PEBP4: variants seen among roughly 807,000 people sequenced by gnomAD.
PEBP4 encodes the protein phosphatidylethanolamine-binding protein 4.
In PEBP4, 22 loss-of-function variants were observed where a neutral mutation model predicts 23.9. The ratio of observed to expected loss-of-function variants is 0.92; its 90% CI spans 0.66 to 1.31. PEBP4 has a LOEUF of 1.31. PEBP4 is among the 40% of genes most tolerant of loss of function. The pLI is 0.00. For synonymous variants in PEBP4, 112 were observed against 99.3 expected, an observed-to-expected ratio of 1.13 and a Z score of -0.76; for missense variants, 324 against 281.7, an observed-to-expected ratio of 1.15 and a Z score of -1.07.
intron 3 of PEBP4, among the ~76,000 whole-genome samples, chr8:22,918,927 G>GCGCACA (rs1410666482): frequency 7.2e-6 from 1 of 138,158 alleles, no homozygotes; most frequent in Admixed American, 7.2e-5. Context: ...AAGTGTGTGT[G>GCGCACA]TGCACATGTG....
At chr8:22,770,478 C>T (rs924739057) in intron 4 of PEBP4, among the ~76,000 whole-genome samples, 11 of 152,248 alleles carry the variant, frequency 7.2e-5, no homozygotes, top group Non-Finnish European at 1.0e-4. Flanking sequence ...CCTCCCACTG[C>T]GCATCCTTGG....
intron 1 of PEBP4, among the ~76,000 whole-genome samples, chr8:22,938,711 A>T (rs1809571960): frequency 6.6e-6 from 1 of 152,034 alleles, no homozygotes; most frequent in African/African-American, 2.4e-5. Context: ...CCCCCCCATT[A>T]TAGATGTGGG....
At chr8:22,860,216 G>GTA (rs1415646215) in intron 3 of PEBP4, among the ~76,000 whole-genome samples, 12 of 137,656 alleles carry the variant, frequency 8.7e-5, no homozygotes, top group East Asian at 4.1e-4. Flanking sequence ...ACACATATAT[G>GTA]TATATATATA....
chr8:22,860,852 C>T (rs556857162), intron 3 of PEBP4, among the ~76,000 whole-genome samples: 2 of 152,314 alleles, frequency 1.3e-5, no homozygotes, highest in African/African-American at 4.8e-5. Flanking sequence ...GCAGGTGACT[C>T]GGTGACAGCC....
intron 4 of PEBP4, among the ~76,000 whole-genome samples, chr8:22,807,310 C>G (rs560663223): frequency 3.9e-5 from 6 of 152,070 alleles, no homozygotes; most frequent in Non-Finnish European, 7.4e-5. Flanking sequence ...CAGGAGAACA[C>G]GAGGGTTGTG....
chr8:22,874,787 T>C lies in PEBP4; in HGVS notation c.258+45397A>G, dbSNP rs1044193312. On this transcript the variant is annotated intron_variant, in intron 3 of 6. Transcript: ENST00000256404. ...TCTGTTCTGCATGAATAAATATGTA[T>C]AAAATGTAATGCTGCAAAGAAAATC... Among the ~76,000 whole-genome samples, 7 of 152,298 alleles carry C rather than the reference T, an allele frequency of 4.6e-5. No individual in the cohort carries two copies. In the South Asian group the frequency reaches 1.5e-3, roughly 32 times the overall value.
chr8:22,887,765 T>TAGAGCCCG, intron 3 of PEBP4: 1 of 152,272 alleles, frequency 6.6e-6, no homozygotes, highest in South Asian at 2.1e-4. Flanking sequence ...TCAAAGAACG[T>TAGAGCCCG]ATTTACCGAA....
intron 3 of PEBP4, among the ~76,000 whole-genome samples, chr8:22,854,028 A>G (rs537048604): frequency 6.6e-6 from 1 of 152,210 alleles, no homozygotes; most frequent in Non-Finnish European, 1.5e-5. Context: ...GAAAAAAATG[A>G]TCCATCCAAT....
chr8:22,828,726 G>A (rs187169436), intron 3 of PEBP4, among the ~76,000 whole-genome samples: 101 of 152,172 alleles, frequency 6.6e-4, no homozygotes, highest in African/African-American at 2.3e-3. Context: ...CAAAGACAAT[G>A]GCACCTGCTC....
intron 5 of PEBP4, 21 bp from the exon 6 acceptor site, chr8:22,724,977 G>A: frequency 6.3e-7 from 1 of 1,578,396 alleles, no homozygotes; most frequent in South Asian, 1.1e-5. Context: ...AAGCAGGAGA[G>A]AGGTGAGCAT....
chr8:22,911,737 C>T (rs180889535), intron 3 of PEBP4, among the ~76,000 whole-genome samples: 14 of 152,094 alleles, frequency 9.2e-5, no homozygotes, highest in Non-Finnish European at 2.1e-4. Flanking sequence ...AGATCCCAAA[C>T]ATGTGAAGAG....
chr8:22,908,007 T>C (rs1808851189), intron 3 of PEBP4, among the ~76,000 whole-genome samples: 2 of 138,868 alleles, frequency 1.4e-5, no homozygotes, highest in African/African-American at 5.5e-5. Flanking sequence ...AGTGGGACCC[T>C]GTCTCAAAAA....
upstream of PEBP4, among the ~76,000 whole-genome samples, chr8:22,931,496 C>G (rs1809456000): frequency 6.6e-6 from 1 of 152,174 alleles, no homozygotes; most frequent in Non-Finnish European, 1.5e-5. Flanking sequence ...TCTTTTCCAG[C>G]CTCCCTTCCC....
At chr8:22,909,935 G>C (rs562882133) in intron 3 of PEBP4, among the ~76,000 whole-genome samples, 2 of 152,314 alleles carry the variant, frequency 1.3e-5, no homozygotes, top group Non-Finnish European at 2.9e-5. Context: ...GGCTGGAGTG[G>C]GTGGGAAAAA....
At chr8:22,835,991 G>GA (rs1472529212) in intron 3 of PEBP4, among the ~76,000 whole-genome samples, 2 of 152,222 alleles carry the variant, frequency 1.3e-5, no homozygotes, top group Admixed American at 6.5e-5. Flanking sequence ...GTGATGCAGG[G>GA]AAAATCATCT....
intron 3 of PEBP4, among the ~76,000 whole-genome samples, chr8:22,877,579 G>T (rs1191807777): frequency 1.3e-5 from 2 of 152,288 alleles, no homozygotes; most frequent in Non-Finnish European, 2.9e-5. Context: ...GAACACACGG[G>T]CGGGCTCACT....
chr8:22,718,597 C>T (rs1417600865), intron 6 of PEBP4, among the ~76,000 whole-genome samples: 1 of 152,190 alleles, frequency 6.6e-6, no homozygotes, highest in Non-Finnish European at 1.5e-5. Context: ...GCTGCCAGGC[C>T]CCCAGTTCTA....
chr8:22,718,875 G>A (rs1804464923), intron 6 of PEBP4, among the ~76,000 whole-genome samples: 1 of 152,176 alleles, frequency 6.6e-6, no homozygotes, highest in Non-Finnish European at 1.5e-5. Flanking sequence ...ATGTGCTGCT[G>A]TGTTCTGCTA....
intron 4 of PEBP4, among the ~76,000 whole-genome samples, chr8:22,730,971 C>A (rs1462401814): frequency 6.6e-6 from 1 of 152,232 alleles, no homozygotes; most frequent in Non-Finnish European, 1.5e-5. Context: ...CACTTTGACC[C>A]TGCTGCCTCC....
Sources: gnomAD v4.1 joint callset for allele counts (sites outside exome capture counted in the v4.1 genomes callset) on GRCh38, gnomAD v4.1.1 for gene constraint, MANE v1.5 for transcripts, NCBI Gene and HGNC (gene_info 2026-07-23, HGNC 2026-07-21) for gene names.